ADAM7: variants seen among roughly 807,000 people sequenced by gnomAD.
ADAM7 encodes disintegrin and metalloproteinase domain-containing protein 7.
ADAM7 carries 97 observed loss-of-function variants against 102.9 expected under a neutral mutation model. The ratio of observed to expected loss-of-function variants is 0.94; its 90% CI spans 0.80 to 1.12. The LOEUF is 1.12. Ranked by LOEUF, ADAM7 falls within the 50% of genes most tolerant of loss-of-function variation. The pLI is 0.00. For missense variants in ADAM7, 991 were observed against 908.7 expected (o/e 1.09, Z -1.16); for synonymous variants, 334 against 304.4 (o/e 1.10, Z -1.01).
chr8:24,481,794 G>A (rs866396983), intron 8 of ADAM7, among the ~76,000 whole-genome samples: 115 of 152,250 alleles, frequency 7.6e-4, no homozygotes, highest in Non-Finnish European at 1.3e-3. Flanking sequence ...CACTCACACC[G>A]CCTGCCACTG....
At chr8:24,448,846 C>T (rs1818666858) in intron 3 of ADAM7, among the ~76,000 whole-genome samples, 1 of 152,058 alleles carries the variant, frequency 6.6e-6, no homozygotes, top group Non-Finnish European at 1.5e-5. Context: ...TGTTCCCCTT[C>T]CTGTGTCCAT....
Position 24,482,148 on chromosome 8 carries a change from AAAACCTT to A in ADAM7, c.717_723del (p.Leu240SerfsTer3), listed in dbSNP as rs1196314685. ...TGATTTCTTCTTTGAACAGATTTAT[AAAACCTT>A]AAACATCCATGTGACGTTGGTTGGC... is the stretch of plus-strand genomic sequence containing the variant. On this transcript the variant is annotated frameshift_variant, in exon 9 of 22. Coordinates refer to ENST00000175238, the MANE Select transcript of ADAM7 (RefSeq NM_003817.4). LOFTEE classifies it high-confidence loss of function. 1 of 1,579,092 alleles carries A rather than the reference AAAACCTT, an allele frequency of 6.3e-7. No homozygotes were observed. Among genetic ancestry groups the A allele is most frequent in the Non-Finnish European group, 8.6e-7 (1 of 1,169,282 alleles).
In ADAM7 at chr8:24,441,120, G is replaced by A; in HGVS notation, c.12G>A (p.Gly4=). 1 of 1,613,766 alleles carries A rather than the reference G, an allele frequency of 6.2e-7. No individual in the cohort carries two copies. The highest frequency in any genetic ancestry group is 8.5e-7 in the Non-Finnish European group (1 of 1,179,718). MLP[G]CIFLMILLIP... ...CAGAATCACTCAGAATGCTTCCCGG[G>A]TGTATATTCTTGATGATTTTACTCA... The change falls in exon 1 of 22, where the codon GGG becomes GGA. Residue 4 remains glycine, a synonymous_variant. Coordinates refer to ENST00000175238, the MANE Select transcript of ADAM7 (RefSeq NM_003817.4).
intron 8 of ADAM7, 92 bp downstream of exon 8, chr8:24,476,596 G>A: frequency 1.1e-6 from 1 of 896,716 alleles, no homozygotes; most frequent in Non-Finnish European, 1.7e-6. Context: ...GTAGTTACCT[G>A]ATATTAAGGG....
At position 24,465,702 on chromosome 8, in the gene ADAM7, C is replaced by G. The variant is rs267601867; in HGVS notation, c.316C>G (p.His106Asp). ...ATAGAGTCTTCTTCTATTTTAGGAT[C>G]ATTGTTTTTACCAAGGATCCATAGT... ...AFTRHPQIMD[H>D]CFYQGSIVHE... The change falls in exon 5 of 22, where the codon CAT (histidine) becomes GAT (aspartate). Residue 106 changes from histidine (H) to aspartate (D), a missense_variant. Coordinates refer to ENST00000175238, the MANE Select transcript of ADAM7 (RefSeq NM_003817.4). The G allele has an allele frequency of 5.0e-6, 8 of 1,598,270 alleles. No homozygotes were observed. In the South Asian group the frequency reaches 6.9e-5, roughly 14 times the overall value.
intron 5 of ADAM7, among the ~76,000 whole-genome samples, chr8:24,466,084 G>A (rs566580208): frequency 6.8e-4 from 103 of 152,326 alleles, no homozygotes; most frequent in African/African-American, 2.1e-3. Context: ...GAAATTAGAA[G>A]CTTTCTCCTG....
At chr8:24,446,416 T>C (rs1472440864) in intron 2 of ADAM7, among the ~76,000 whole-genome samples, 3 of 152,156 alleles carry the variant, frequency 2.0e-5, no homozygotes, top group Non-Finnish European at 2.9e-5. Flanking sequence ...CTGCTATAAA[T>C]TGATGGTGAG....
At chr8:24,493,256 A>G in intron 16 of ADAM7, 27 bp downstream of exon 16, 3 of 1,550,118 alleles carry the variant, frequency 1.9e-6, no homozygotes, top group Non-Finnish European at 2.6e-6. Context: ...TTGTTTTATT[A>G]AAACTTCTTA....
At chr8:24,482,109 G>T in intron 8 of ADAM7, 33 bp from the exon 9 acceptor site, 2 of 1,502,868 alleles carry the variant, frequency 1.3e-6, no homozygotes, top group South Asian at 1.3e-5. Flanking sequence ...CCAGCAACTT[G>T]ACTTTGTGAA....
rs923027280 is a variant in ADAM7 at position 24,468,696 on chromosome 8, T to C, written c.580-71T>C. The C allele has an allele frequency of 5.1e-6, 7 of 1,378,092 alleles. No homozygotes were observed. The African/African-American group carries it at 1.0e-4, about 20-fold the overall frequency. The allele number at this position is 1,378,092 out of a possible 1,614,324, so 85.4% of individuals were successfully genotyped here. On this transcript the variant is annotated intron_variant, in intron 6 of 21. Transcript: ENST00000175238. ...TCTTACCTTGAAAATACTAGGATTT[T>C]TTTTCCAACTTAAAGGGTTAAGATA...
intron 16 of ADAM7, among the ~76,000 whole-genome samples, chr8:24,498,242 T>C (rs1000362628): frequency 6.6e-6 from 1 of 151,784 alleles, no homozygotes; most frequent in African/African-American, 2.4e-5. Flanking sequence ...GAATAATAAA[T>C]AATTTTGACA....
In ADAM7 at chr8:24,493,078, G is replaced by C; in HGVS notation, c.1691G>C (p.Gly564Ala). The C allele has an allele frequency of 1.2e-6, 2 of 1,608,452 alleles. No homozygotes were observed. The highest frequency in any genetic ancestry group is 1.7e-6 in the Non-Finnish European group (2 of 1,177,766). Residue 564 changes from glycine (G) to alanine (A), a missense_variant, in exon 16 of 22, where the codon GGG (glycine) becomes GCG (alanine). By Grantham distance (60) the Gly-to-Ala change is moderately conservative. Transcript: ENST00000175238. Reference protein sequence around the residue: ...VRCGKIYCTGGELSSLLGEDK... With the variant: ...VRCGKIYCTGAELSSLLGEDK... ...TGTGGAAAGATCTACTGCACTGGAG[G>C]GGAGCTTTCCTCTCTCCTTGGAGAA...
At chr8:24,465,674 G>C in intron 4 of ADAM7, 25 bp from the exon 5 acceptor site, 3 of 1,446,560 alleles carry the variant, frequency 2.1e-6, no homozygotes, top group Non-Finnish European at 2.9e-6. Flanking sequence ...TATACATATA[G>C]TAATAGAGTC....
intron 10 of ADAM7, 92 bp from the exon 11 acceptor site, chr8:24,487,095 A>C: frequency 1.5e-6 from 2 of 1,345,018 alleles, no homozygotes; most frequent in Non-Finnish European, 2.0e-6. Flanking sequence ...ACTAGGAGCT[A>C]GAAGCCAGGT....
rs533524343 is a variant in ADAM7, at chr8:24,447,236, C to T, written c.207C>T (p.Thr69=). Residue 69 remains threonine, a synonymous_variant, in exon 3 of 22, where the codon ACC becomes ACT. Transcript: ENST00000175238. ...LLYEIKLNRK[T]LVLHLLRSRE... The stretch of plus-strand genomic sequence containing the variant: ...ATGAAATAAAACTAAATAGAAAAAC[C>T]TTAGTCCTTCATCTTCTAAGATCCA... 6.5e-7 allele frequency: 1 copy of T among 1,528,360 alleles called. No homozygotes were observed. Among genetic ancestry groups the T allele is most frequent in the African/African-American group, 1.4e-5 (1 of 72,220 alleles). 94.7% of individuals were successfully genotyped at this position (1,528,360 alleles called of 1,614,324 possible).
At chr8:24,504,824 C>T (rs377614672) in intron 20 of ADAM7, among the ~76,000 whole-genome samples, 1 of 152,062 alleles carries the variant, frequency 6.6e-6, no homozygotes, top group East Asian at 1.9e-4. Flanking sequence ...ATTTCACTGG[C>T]ATATAGAGAT....
At chr8:24,462,087 C>T (rs2129380227) in intron 3 of ADAM7, among the ~76,000 whole-genome samples, 1 of 152,288 alleles carries the variant, frequency 6.6e-6, no homozygotes. Context: ...AAATGGACTC[C>T]AAATTCTGTT....
At chr8:24,477,923 A>G (rs1025906595) in intron 8 of ADAM7, among the ~76,000 whole-genome samples, 1 of 152,066 alleles carries the variant, frequency 6.6e-6, no homozygotes, top group African/African-American at 2.4e-5. Context: ...CACTACTACC[A>G]TATATGTACT....
intron 3 of ADAM7, among the ~76,000 whole-genome samples, chr8:24,459,819 C>A (rs1036377848): frequency 6.6e-6 from 1 of 151,898 alleles, no homozygotes; most frequent in African/African-American, 2.4e-5. Context: ...TCACTGATGT[C>A]TTTTATCGTT....
Sources: gnomAD v4.1 joint callset for allele counts (sites outside exome capture counted in the v4.1 genomes callset) on GRCh38, gnomAD v4.1.1 for gene constraint, MANE v1.5 for transcripts, NCBI Gene and HGNC (gene_info 2026-07-23, HGNC 2026-07-21) for gene names.